PCDHA1: variants seen among roughly 807,000 people sequenced by gnomAD.
PCDHA1 encodes protocadherin alpha-1.
PCDHA1 carries 42 observed loss-of-function variants against 61.3 expected under a neutral mutation model. That is an observed-to-expected ratio of 0.69 (90% CI 0.54 to 0.89). The LOEUF is 0.89. PCDHA1 is among the 40% of genes least tolerant of loss of function. PCDHA1 has a pLI of 0.00. For missense variants in PCDHA1, 1,256 were observed against 1,235.3 expected, an observed-to-expected ratio of 1.02 and a Z score of -0.25; for synonymous variants, 610 against 553.8, an observed-to-expected ratio of 1.10 and a Z score of -1.43.
intron 1 of PCDHA1, among the ~76,000 whole-genome samples, chr5:140,972,609 A>G (rs1344399252): frequency 1.3e-5 from 2 of 151,526 alleles, no homozygotes; most frequent in Non-Finnish European, 2.9e-5. Flanking sequence ...TCTGAACTTG[A>G]TACTGAATGT....
chr5:140,849,816 G>C (rs2150451582), intron 1 of PCDHA1: 2 of 1,598,578 alleles, frequency 1.3e-6, no homozygotes, highest in Admixed American at 1.7e-5. Context: ...CACGGCCAGG[G>C]TGTCTGTGGA....
At position 140,804,615 on chromosome 5, in the gene PCDHA1, G is replaced by C. The variant is rs1389519044; in HGVS notation, c.2394+15931G>C. 2.0e-5 allele frequency: 3 copies of C among 152,850 alleles called. No homozygotes were observed. In the East Asian group the frequency reaches 5.7e-4, roughly 29 times the overall value. 9.5% of individuals were successfully genotyped at this position (152,850 alleles called of 1,614,324 possible). ...AAGCCAATGTTATAATGTTATTACT[G>C]GTTAACTTCTCTGAATAGCATCCTG... On this transcript the variant is annotated intron_variant, in intron 1 of 3. Transcript: ENST00000504120.
chr5:140,792,176 G>C (rs1761697905), intron 1 of PCDHA1, among the ~76,000 whole-genome samples: 2 of 152,096 alleles, frequency 1.3e-5, no homozygotes, highest in East Asian at 3.9e-4. Context: ...GTAGCTCTTG[G>C]CATTGCTTGG....
chr5:141,007,377 AC>A lies in PCDHA1; in HGVS notation c.2543-2248del, dbSNP rs1563708435. Among the ~76,000 whole-genome samples, 4 of 136,616 alleles carry A rather than the reference AC, an allele frequency of 2.9e-5. No individual in the cohort carries two copies. The East Asian group carries it at 8.7e-4, about 30-fold the overall frequency. The allele number at this position is 136,616 out of a possible 152,430, so 89.6% of individuals were successfully genotyped here. ...ACCAGCCTGGGCAACATGATGGAAC[AC>A]CATCTCTACTAAAATACAAAAAAAA... On this transcript the variant is annotated intron_variant, in intron 3 of 3. Transcript: ENST00000504120.
intron 1 of PCDHA1, among the ~76,000 whole-genome samples, chr5:140,889,643 G>A (rs141216075): frequency 1.3e-4 from 20 of 152,024 alleles, no homozygotes; most frequent in African/African-American, 4.8e-4. Context: ...ATTTGTGTTT[G>A]CAGGAGATGT....
chr5:140,819,545 A>G (rs1002089738), intron 1 of PCDHA1, among the ~76,000 whole-genome samples: 12 of 152,144 alleles, frequency 7.9e-5, no homozygotes, highest in Non-Finnish European at 1.8e-4. Context: ...AATCTGTAAC[A>G]TTTGATTGAA....
At chr5:140,951,626 C>G (rs1182328214) in intron 1 of PCDHA1, among the ~76,000 whole-genome samples, 1 of 152,180 alleles carries the variant, frequency 6.6e-6, no homozygotes, top group East Asian at 1.9e-4. Context: ...AAGGGGGAAA[C>G]CTGCCCCATG....
At chr5:140,838,642 A>G (rs1255471339) in intron 1 of PCDHA1, among the ~76,000 whole-genome samples, 7 of 152,060 alleles carry the variant, frequency 4.6e-5, no homozygotes, top group African/African-American at 1.5e-4. Context: ...GTTGGTCAAA[A>G]AAATGATAGT....
chr5:140,992,226 G>A lies in PCDHA1; in HGVS notation c.2542+9663G>A, dbSNP rs926605843. On this transcript the variant is annotated intron_variant, in intron 3 of 3. Coordinates refer to ENST00000504120, the MANE Select transcript of PCDHA1 (RefSeq NM_018900.4). The stretch of plus-strand genomic sequence containing the variant: ...CAGATAAACTACTCTCCCTTCCTGG[G>A]AAGAGTAAGGAAGGAAGTAGAGCTA... Among the ~76,000 whole-genome samples the A allele has an allele frequency of 5.3e-5, 8 of 152,256 alleles. No individual in the cohort carries two copies. The East Asian group carries it at 1.5e-3, about 29-fold the overall frequency.
In PCDHA1 at chr5:140,787,610, G is replaced by A. The variant is rs573053868; in HGVS notation, c.1320G>A (p.Arg440=). 6.2e-7 allele frequency: 1 copy of A among 1,614,088 alleles called. No homozygotes were observed. Among genetic ancestry groups the A allele is most frequent in the East Asian group, 2.2e-5 (1 of 44,868 alleles). Residue 440 remains arginine, a synonymous_variant, in exon 1 of 4, where the codon AGG becomes AGA. Transcript: ENST00000504120. ...CGCCTTCGCTGTGGGCCACGGCCAGGGTGTCCGTGGAGGTGGCCGACGTGA... is the reference window on the plus strand; with the variant it reads ...CGCCTTCGCTGTGGGCCACGGCCAGAGTGTCCGTGGAGGTGGCCGACGTGA... ...GGSPSLWATA[R]VSVEVADVND... is the part of the protein sequence containing the mutation.
chr5:140,796,587 C>G, intron 1 of PCDHA1: 1 of 1,613,340 alleles, frequency 6.2e-7, no homozygotes, highest in Non-Finnish European at 8.5e-7. Flanking sequence ...GGGATGCGGG[C>G]GTGCCGCCTC....
At chr5:140,945,178 C>T (rs2093753648) in intron 1 of PCDHA1, among the ~76,000 whole-genome samples, 2 of 151,902 alleles carry the variant, frequency 1.3e-5, no homozygotes, top group Admixed American at 1.3e-4. Flanking sequence ...AAAAATAAAT[C>T]AAGAAAACCA....
At chr5:140,847,479 A>G (rs1229726594) in intron 1 of PCDHA1, 1 of 149,940 alleles carries the variant, frequency 6.7e-6, no homozygotes, top group East Asian at 1.9e-4. Flanking sequence ...ACGTTGGAAT[A>G]AGATAGTAAA....
At chr5:140,821,757 T>C (rs1767048336) in intron 1 of PCDHA1, 1 of 1,585,704 alleles carries the variant, frequency 6.3e-7, no homozygotes, top group Non-Finnish European at 8.6e-7. Context: ...AGAAAGCTCA[T>C]AATTGGAACG....
intron 3 of PCDHA1, among the ~76,000 whole-genome samples, chr5:140,988,231 A>G (rs2097289009): frequency 6.6e-6 from 1 of 152,150 alleles, no homozygotes. Context: ...TCAGGGATCT[A>G]TGTGAGTGGG....
chr5:140,865,517 T>C (rs1562593227), intron 1 of PCDHA1: 1 of 152,232 alleles, frequency 6.6e-6, no homozygotes, highest in African/African-American at 2.4e-5. Context: ...TTTATGGTGC[T>C]GGAATTCTCT....
chr5:140,909,767 G>A (rs114075983), intron 1 of PCDHA1, among the ~76,000 whole-genome samples: 11,557 of 152,088 alleles, frequency 0.076, 504 homozygotes, highest in Middle Eastern at 0.14. Context: ...TGAGTCCAGG[G>A]ACCCACTGGA....
At chr5:140,836,327 G>C in intron 1 of PCDHA1, 1 of 1,613,772 alleles carries the variant, frequency 6.2e-7, no homozygotes, top group Non-Finnish European at 8.5e-7. Flanking sequence ...ACCGCCTTCT[G>C]GTGCTTGTGA....
At position 140,808,279 on chromosome 5, in the gene PCDHA1, A is replaced by G. The variant is rs782098694; in HGVS notation, c.2394+19595A>G. On this transcript the variant is annotated intron_variant, in intron 1 of 3. Transcript: ENST00000504120. ...CACTTCCAATTAGAGAGGACGCTCC[A>G]CTGGGTACAGTCATCGCCCTGATCA... 3.7e-6 allele frequency: 6 copies of G among 1,614,130 alleles called. No individual in the cohort carries two copies. The South Asian group carries it at 5.5e-5, about 15-fold the overall frequency.
Sources: allele counts gnomAD v4.1 joint callset (sites outside exome capture counted in the v4.1 genomes callset), GRCh38; gene constraint gnomAD v4.1.1; transcripts MANE v1.5; gene names NCBI Gene and HGNC (gene_info 2026-07-23, HGNC 2026-07-21).